The following KAZN variants were observed in gnomAD, a reference collection of about 807,000 sequenced individuals.
KAZN encodes kazrin, periplakin interacting protein, also known as kazrin.
A neutral mutation model predicts 87.4 loss-of-function variants in KAZN; 40 were observed. That is an observed-to-expected ratio of 0.46 (90% confidence interval 0.36 to 0.60). The LOEUF (loss-of-function observed/expected upper bound fraction) is 0.60, where lower values mean the gene tolerates loss of function less well. Among genes scored for constraint, KAZN ranks in the 20% least tolerant of loss-of-function variants. The probability of loss-of-function intolerance (pLI) is 0.00; values close to 1 mark genes in which losing one functional copy is unlikely to be tolerated. For synonymous variants in KAZN, 466 were observed against 458.3 expected, an observed-to-expected ratio of 1.02 and a Z score of -0.22; for missense variants, 898 against 1,073.9, an observed-to-expected ratio of 0.84 and a Z score of 2.29.
At chr1:14,110,418 T>G (rs72862564) in intron 1 of KAZN, among the ~76,000 whole-genome samples, 13,896 of 152,286 alleles carry the variant, frequency 0.091, 1,375 homozygotes, top group East Asian at 0.54. Context: ...TTTGACCTGT[T>G]GATACAACTA....
chr1:14,938,481 G>A (rs1660701903), intron 1 of KAZN, among the ~76,000 whole-genome samples: 2 of 150,770 alleles, frequency 1.3e-5, no homozygotes, highest in Admixed American at 6.6e-5. Context: ...GACAGAGGTT[G>A]CAGTGAACCA....
chr1:14,708,216 C>T (rs1447735387), intron 1 of KAZN, among the ~76,000 whole-genome samples: 2 of 152,152 alleles, frequency 1.3e-5, no homozygotes, highest in Non-Finnish European at 2.9e-5. Context: ...ATGAGGAAAT[C>T]CATTGCTCCC....
At chr1:14,410,800 A>G (rs1664243982) in intron 2 of KAZN, among the ~76,000 whole-genome samples, 1 of 152,180 alleles carries the variant, frequency 6.6e-6, no homozygotes, top group African/African-American at 2.4e-5. Flanking sequence ...AATAACCAAA[A>G]GATGCCAGCG....
At chr1:14,204,486 C>A (rs1646699379) in intron 2 of KAZN, among the ~76,000 whole-genome samples, 1 of 152,194 alleles carries the variant, frequency 6.6e-6, no homozygotes, top group African/African-American at 2.4e-5. Flanking sequence ...TAAGTTATGA[C>A]AGATTAAAAA....
chr1:14,183,076 A>G (rs1449964212), intron 2 of KAZN, among the ~76,000 whole-genome samples: 3 of 152,206 alleles, frequency 2.0e-5, no homozygotes, highest in African/African-American at 7.2e-5. Context: ...AAGTCAGGCA[A>G]AAAGTGTTCC....
At chr1:14,702,326 CTGTGTGTGTG>C (rs3222186) in intron 1 of KAZN, among the ~76,000 whole-genome samples, 33 of 133,280 alleles carry the variant, frequency 2.5e-4, no homozygotes, top group Non-Finnish European at 4.3e-4. Flanking sequence ...TTTTGCAAAA[CTGTGTGTGTG>C]TGTGTGTGTG....
intron 1 of KAZN, among the ~76,000 whole-genome samples, chr1:14,069,011 C>A (rs901840182): frequency 3.3e-5 from 5 of 152,150 alleles, no homozygotes; most frequent in Non-Finnish European, 7.3e-5. Flanking sequence ...ATTGGCCAGG[C>A]TGGTCTCGAA....
At chr1:15,038,178 A>G (rs1050304929) in intron 3 of KAZN, among the ~76,000 whole-genome samples, 4 of 152,060 alleles carry the variant, frequency 2.6e-5, no homozygotes, top group African/African-American at 9.7e-5. Flanking sequence ...TGCTTGAGCC[A>G]GGGAGGTTGA....
At chr1:14,436,674 C>T (rs1035371658) in intron 2 of KAZN, among the ~76,000 whole-genome samples, 11 of 146,662 alleles carry the variant, frequency 7.5e-5, no homozygotes, top group African/African-American at 2.8e-4. Flanking sequence ...GCTGAGATTG[C>T]ACCACTGCAC....
chr1:15,066,837 T>G lies in KAZN; in HGVS notation c.1222+1084T>G. On this transcript the variant is annotated intron_variant, in intron 8 of 14. Transcript: ENST00000376030. The surrounding 1 kb of genome is among the most constrained non-coding windows in gnomAD (Gnocchi z 4.3). ...CCTTCTCTCTCTGTCTCTCCCATTC[T>G]CCTGCCCATGCATGAAAGGATCCTC... is the stretch of plus-strand genomic sequence containing the variant. The G allele has an allele frequency of 1.0e-6, 1 of 985,540 alleles. No homozygotes were observed. The highest frequency in any genetic ancestry group is 1.2e-6 in the Non-Finnish European group (1 of 830,000). 61.0% of individuals were successfully genotyped at this position (985,540 alleles called of 1,614,324 possible). A position where few individuals can be genotyped will look rare whatever the true frequency, so the allele number is the denominator to read the frequency against.
intron 1 of KAZN, among the ~76,000 whole-genome samples, chr1:14,020,502 T>A (rs964869518): frequency 3.3e-5 from 5 of 152,174 alleles, no homozygotes; most frequent in African/African-American, 9.7e-5. Context: ...CACAATATGA[T>A]TGAGGAATCC....
chr1:14,198,964 G>A (rs1234245348), intron 2 of KAZN, among the ~76,000 whole-genome samples: 2 of 152,074 alleles, frequency 1.3e-5, no homozygotes, highest in Non-Finnish European at 2.9e-5. Context: ...TACACATTAG[G>A]GCTTTGCACT....
chr1:13,903,614 C>T (rs530363358), intron 1 of KAZN, among the ~76,000 whole-genome samples: 1 of 152,246 alleles, frequency 6.6e-6, no homozygotes, highest in South Asian at 2.1e-4. Context: ...TCTTTGATCT[C>T]CCCAAAGCCA....
intron 1 of KAZN, among the ~76,000 whole-genome samples, chr1:14,718,552 A>G (rs1222327962): frequency 3.3e-5 from 5 of 152,176 alleles, no homozygotes; most frequent in African/African-American, 1.2e-4. Context: ...ATTATGTGTG[A>G]TTCTCCTTTT....
chr1:14,343,978 A>G (rs1388444714), intron 2 of KAZN, among the ~76,000 whole-genome samples: 2 of 152,146 alleles, frequency 1.3e-5, no homozygotes, highest in Admixed American at 6.6e-5. Flanking sequence ...GTTTGTGTCA[A>G]CTTGGCAGTT....
intron 2 of KAZN, among the ~76,000 whole-genome samples, chr1:14,519,147 T>TA (rs892035405): frequency 4.6e-5 from 7 of 151,810 alleles, no homozygotes; most frequent in African/African-American, 9.7e-5. Context: ...TGGAAATTTT[T>TA]AAAAAAAAAT....
intron 2 of KAZN, among the ~76,000 whole-genome samples, chr1:15,022,074 C>T (rs1013033009): frequency 1.3e-5 from 2 of 152,116 alleles, no homozygotes; most frequent in Non-Finnish European, 2.9e-5. Flanking sequence ...TCCCATAACA[C>T]GTGGGAATTA....
intron 1 of KAZN, among the ~76,000 whole-genome samples, chr1:14,149,092 T>C (rs1645415667): frequency 1.1e-5 from 1 of 89,216 alleles, no homozygotes; most frequent in African/African-American, 4.5e-5. Context: ...CCTTCCTTCC[T>C]TTCTTTCTTT....
At chr1:14,665,350 C>T (rs530234070) in intron 1 of KAZN, among the ~76,000 whole-genome samples, 1 of 152,064 alleles carries the variant, frequency 6.6e-6, no homozygotes, top group East Asian at 1.9e-4. Flanking sequence ...TGCTGTGCAA[C>T]CTTTTCATCC....
Sources: allele counts gnomAD v4.1 joint callset (sites outside exome capture counted in the v4.1 genomes callset), GRCh38; gene constraint gnomAD v4.1.1; non-coding constraint Gnocchi (gnomAD v3.1); transcripts MANE v1.5; gene names NCBI Gene and HGNC (gene_info 2026-07-23, HGNC 2026-07-21).